Variants in ANKRD12 observed in about 807,000 individuals in gnomAD.
The protein encoded by ANKRD12 is ankyrin repeat domain 12, also known as ankyrin repeat domain-containing protein 12.
A neutral mutation model predicts 183.4 loss-of-function variants in ANKRD12; 85 were observed. The ratio of observed to expected loss-of-function variants is 0.46; its 90% CI spans 0.39 to 0.56. The LOEUF is 0.56. Ranked by LOEUF, ANKRD12 falls within the 20% of genes least tolerant of loss-of-function variation. ANKRD12 has a pLI of 0.00. For synonymous variants in ANKRD12, 914 were observed against 800.2 expected, an observed-to-expected ratio of 1.14 and a Z score of -2.40; for missense variants, 2,405 against 2,357.1, an observed-to-expected ratio of 1.02 and a Z score of -0.42.
chr18:9,269,583 C>G (rs959250762), intron 10 of ANKRD12, among the ~76,000 whole-genome samples: 6 of 152,238 alleles, frequency 3.9e-5, no homozygotes, highest in Non-Finnish European at 8.8e-5. Context: ...AAAGCTGAAA[C>G]TGGATCCCTT....
At chr18:9,243,955 G>C (rs1212854726) in intron 8 of ANKRD12, among the ~76,000 whole-genome samples, 1 of 152,156 alleles carries the variant, frequency 6.6e-6, no homozygotes, top group African/African-American at 2.4e-5. Context: ...GACAAACATG[G>C]TGAAACCGGT....
At chr18:9,182,112 G>A (rs1458485161) in intron 1 of ANKRD12, among the ~76,000 whole-genome samples, 3 of 152,160 alleles carry the variant, frequency 2.0e-5, no homozygotes, top group African/African-American at 7.2e-5. Context: ...GAAACGTTTT[G>A]TCACTGCTTC....
intron 3 of ANKRD12, among the ~76,000 whole-genome samples, chr18:9,199,921 T>G (rs2035068515): frequency 6.6e-6 from 1 of 152,220 alleles, no homozygotes; most frequent in Non-Finnish European, 1.5e-5. Context: ...GGGTATTTAT[T>G]ACTTCCTTCT....
chr18:9,281,559 G>A lies in ANKRD12; in HGVS notation c.*433G>A, dbSNP rs973800589. 1 of 152,720 alleles carries A rather than the reference G, an allele frequency of 6.5e-6. No individual in the cohort carries two copies. Among genetic ancestry groups the A allele is most frequent in the South Asian group, 2.1e-4 (1 of 4,820 alleles). 9.5% of individuals were successfully genotyped at this position (152,720 alleles called of 1,614,324 possible). A position where few individuals can be genotyped will look rare whatever the true frequency, so the allele number is the denominator to read the frequency against. On this transcript the variant is annotated 3_prime_UTR_variant, in exon 13 of 13. Transcript: ENST00000262126. ...AGTTTCTAATGTGGGAGAAAAACTT[G>A]GCACAAAATTTCTTCAGTTTATTAT...
intron 9 of ANKRD12, among the ~76,000 whole-genome samples, chr18:9,262,271 A>C (rs2039015236): frequency 6.6e-6 from 1 of 152,206 alleles, no homozygotes; most frequent in East Asian, 1.9e-4. Flanking sequence ...TGTGGAATTG[A>C]CTGTTAAACC....
At chr18:9,149,347 C>T (rs1256033150) in intron 1 of ANKRD12, among the ~76,000 whole-genome samples, 1 of 152,188 alleles carries the variant, frequency 6.6e-6, no homozygotes, top group African/African-American at 2.4e-5. Context: ...AATAAGTTAA[C>T]ATCACAGACT....
At chr18:9,248,139 A>G (rs1270139151) in intron 8 of ANKRD12, among the ~76,000 whole-genome samples, 1 of 152,076 alleles carries the variant, frequency 6.6e-6, no homozygotes, top group African/African-American at 2.4e-5. Context: ...CCTTATTTCA[A>G]ATTTTTACAG....
intron 1 of ANKRD12, among the ~76,000 whole-genome samples, chr18:9,178,441 G>A (rs2033456368): frequency 1.3e-5 from 2 of 151,822 alleles, no homozygotes; most frequent in Admixed American, 6.6e-5. Context: ...GTTGAAAATC[G>A]GTTGGATTGG....
At chr18:9,278,614 T>C (rs2039963737) in intron 11 of ANKRD12, among the ~76,000 whole-genome samples, 1 of 152,100 alleles carries the variant, frequency 6.6e-6, no homozygotes, top group Admixed American at 6.5e-5. Flanking sequence ...CTGGCCAATA[T>C]GGTGAAACCA....
chr18:9,282,854 A>G lies in ANKRD12; in HGVS notation c.*1728A>G, dbSNP rs2040152238. On this transcript the variant is annotated 3_prime_UTR_variant, in exon 13 of 13. Transcript: ENST00000262126. ...CTTGGCATGCGCAATAAAGCAGCACATGTAAAAAAAAAATACACAGTGCAA... is the reference window on the plus strand; with the variant it reads ...CTTGGCATGCGCAATAAAGCAGCACGTGTAAAAAAAAAATACACAGTGCAA... 7.3e-6 allele frequency: 1 copy of G among 137,110 alleles called. No individual in the cohort carries two copies. The highest frequency in any genetic ancestry group is 2.8e-4 in the South Asian group (1 of 3,538). The allele number at this position is 137,110 out of a possible 1,614,324, so 8.5% of individuals were successfully genotyped here.
chr18:9,260,808 A>AT (rs2145262347), intron 9 of ANKRD12, among the ~76,000 whole-genome samples: 1 of 152,290 alleles, frequency 6.6e-6, no homozygotes, highest in South Asian at 2.1e-4. Flanking sequence ...GATCTATGTT[A>AT]ATGATTACCA....
At chr18:9,137,586 G>A (rs1224650519) in intron 1 of ANKRD12, 4 of 151,476 alleles carry the variant, frequency 2.6e-5, no homozygotes, top group Non-Finnish European at 5.9e-5. Flanking sequence ...CGGGAGCGTC[G>A]GAGGTACCCG....
intron 1 of ANKRD12, among the ~76,000 whole-genome samples, chr18:9,164,361 G>C (rs1229042243): frequency 6.6e-6 from 1 of 152,034 alleles, no homozygotes; most frequent in Non-Finnish European, 1.5e-5. Flanking sequence ...TGCATGCCAG[G>C]GGTGAAACCA....
rs2040177370 is a variant in ANKRD12 at position 9,284,230 on chromosome 18, TAAAGC to T, written c.*3111_*3115del. 1 of 152,066 alleles carries T rather than the reference TAAAGC, an allele frequency of 6.6e-6. No homozygotes were observed. Among genetic ancestry groups the T allele is most frequent in the South Asian group, 2.1e-4 (1 of 4,830 alleles). 9.4% of individuals were successfully genotyped at this position (152,066 alleles called of 1,614,324 possible). A position where few individuals can be genotyped will look rare whatever the true frequency, so the allele number is the denominator to read the frequency against. On this transcript the variant is annotated 3_prime_UTR_variant, in exon 13 of 13. Coordinates refer to ENST00000262126, the MANE Select transcript of ANKRD12 (RefSeq NM_015208.5). The stretch of plus-strand genomic sequence containing the variant: ...AAACGCCAATATGTACAAAGCACAA[TAAAGC>T]AAAGCACAATAGAACAGGATTGCCT...
intron 2 of ANKRD12, among the ~76,000 whole-genome samples, chr18:9,188,115 A>G (rs1230771871): frequency 6.6e-6 from 1 of 152,242 alleles, no homozygotes; most frequent in Admixed American, 6.5e-5. Flanking sequence ...TTCCTAGGTC[A>G]GTGATGAAGG....
chr18:9,188,721 T>C (rs926528483), intron 2 of ANKRD12, among the ~76,000 whole-genome samples: 1 of 152,276 alleles, frequency 6.6e-6, no homozygotes, highest in African/African-American at 2.4e-5. Context: ...ATTTTCATAT[T>C]TCCAACTTTT....
At chr18:9,220,015 A>G (rs2036330673) in intron 7 of ANKRD12, among the ~76,000 whole-genome samples, 1 of 152,232 alleles carries the variant, frequency 6.6e-6, no homozygotes, top group Non-Finnish European at 1.5e-5. Flanking sequence ...GTGTAATTTG[A>G]TAAAAATTAA....
chr18:9,203,218 G>A (rs895109617), intron 3 of ANKRD12, among the ~76,000 whole-genome samples: 1 of 152,200 alleles, frequency 6.6e-6, no homozygotes, highest in East Asian at 1.9e-4. Context: ...CTTTAGAGTT[G>A]GTCTAAATGT....
chr18:9,177,580 T>G (rs1234740716), intron 1 of ANKRD12, among the ~76,000 whole-genome samples: 8 of 152,182 alleles, frequency 5.3e-5, no homozygotes, highest in Admixed American at 1.3e-4. Flanking sequence ...TGGGAACATT[T>G]CAGAATGTTC....
Sources: gnomAD v4.1 joint callset for allele counts (sites outside exome capture counted in the v4.1 genomes callset) on GRCh38, gnomAD v4.1.1 for gene constraint, MANE v1.5 for transcripts, NCBI Gene and HGNC (gene_info 2026-07-23, HGNC 2026-07-21) for gene names.